SMIM7: variants seen among roughly 807,000 people sequenced by gnomAD.
SMIM7 encodes the protein UPF0608 protein C19orf42.
SMIM7 carries 12 observed loss-of-function variants against 13.3 expected under a neutral mutation model. That is an observed-to-expected ratio of 0.90 (90% confidence interval 0.58 to 1.46). The LOEUF (loss-of-function observed/expected upper bound fraction) is 1.46. Among genes scored for constraint, SMIM7 ranks in the 40% most tolerant of loss-of-function variants. The probability of loss-of-function intolerance (pLI) is 0.00; values close to 1 mark genes in which losing one functional copy is unlikely to be tolerated. For synonymous variants in SMIM7, 36 were observed against 35.8 expected, an observed-to-expected ratio of 1.01 and a Z score of -0.02; for missense variants, 114 against 94.8, an observed-to-expected ratio of 1.20 and a Z score of -0.84.
In SMIM7 at chr19:16,647,440, C is replaced by G. The variant is rs10413017; in HGVS notation, c.213-179G>C. ...ATATAATTAACAATACTGAACTACA[C>G]AGTTAAAAGAAGAATATACTCTTTT... On this transcript the variant is annotated intron_variant, in intron 4 of 4. Coordinates refer to ENST00000487416, the MANE Select transcript of SMIM7 (RefSeq NM_024104.4). Among the ~76,000 whole-genome samples, 909 of 151,620 alleles carry G rather than the reference C, an allele frequency of 6.0e-3. 12 individuals are homozygous for G. Among genetic ancestry groups the G allele is most frequent in the African/African-American group, 0.021 (863 of 41,286 alleles).
chr19:16,638,941 C>T (rs1457524969), intron 4 of SMIM7: 1 of 152,080 alleles, frequency 6.6e-6, no homozygotes, highest in East Asian at 1.9e-4. Flanking sequence ...ACCTTTTCCA[C>T]CTTCTTTCTC....
chr19:16,650,618 G>A (rs776876957), intron 4 of SMIM7, among the ~76,000 whole-genome samples: 3 of 151,632 alleles, frequency 2.0e-5, no homozygotes, highest in Non-Finnish European at 4.4e-5. Flanking sequence ...GCTGAGGCAG[G>A]AGAATCACTT....
chr19:16,650,697 A>C (rs1199403287), intron 4 of SMIM7, among the ~76,000 whole-genome samples: 1 of 149,756 alleles, frequency 6.7e-6, no homozygotes, highest in Non-Finnish European at 1.5e-5. Flanking sequence ...GTGACAGAGC[A>C]AGACTCCACC....
intron 4 of SMIM7, among the ~76,000 whole-genome samples, chr19:16,633,465 G>GA (rs869067591): frequency 0.066 from 5,801 of 87,748 alleles, 261 homozygotes; most frequent in African/African-American, 0.14. Context: ...CAAAAAAAAA[G>GA]AAAAAAAAAA....
At position 16,646,877 on chromosome 19, in the gene SMIM7, T is replaced by C; in HGVS notation, c.*369A>G. ...GGCTGTCAGACTCAGCAAGTAACAC[T>C]GAATGTCCAAAAATACGGCTGTGTT... On this transcript the variant is annotated 3_prime_UTR_variant, in exon 5 of 5. Coordinates refer to ENST00000487416, the MANE Select transcript of SMIM7 (RefSeq NM_024104.4). 1 of 302,840 alleles carries C rather than the reference T, an allele frequency of 3.3e-6. No homozygotes were observed. Among genetic ancestry groups the C allele is most frequent in the Non-Finnish European group, 6.3e-6 (1 of 157,966 alleles). The allele number at this position is 302,840 out of a possible 1,614,324, so 18.8% of individuals were successfully genotyped here. A position where few individuals can be genotyped will look rare whatever the true frequency, so the allele number is the denominator to read the frequency against.
At chr19:16,642,156 C>T (rs180838611), downstream of SMIM7, among the ~76,000 whole-genome samples, 149 of 152,326 alleles carry the variant, frequency 9.8e-4, 2 homozygotes, top group East Asian at 0.025. Context: ...AGCCTGTAGC[C>T]TTGTTTTCTA....
intron 4 of SMIM7, chr19:16,635,238 C>T (rs1258401006): frequency 6.6e-6 from 1 of 151,872 alleles, no homozygotes; most frequent in African/African-American, 2.4e-5. Context: ...TGGTACATGC[C>T]TGTAATCCCA....
rs951084549 is a variant in SMIM7 at position 16,659,433 on chromosome 19, G to C, written c.83C>G (p.Thr28Arg). Reference protein sequence around the residue: ...VLNFKLKKKDTQGFGEESREP... With the variant: ...VLNFKLKKKDRQGFGEESREP... Reference sequence around the variant, plus strand: ...CCTGGACTCCTCCCCAAAGCCCTGCGTGTCCTTCTTTTTCCTACAAAGAGG... The same window carrying C: ...CCTGGACTCCTCCCCAAAGCCCTGCCTGTCCTTCTTTTTCCTACAAAGAGG... The change falls in exon 3 of 5, where the codon ACG (threonine) becomes AGG (arginine). Residue 28 changes from threonine to arginine, a missense_variant. Transcript: ENST00000487416. 2 of 1,613,576 alleles carry C rather than the reference G, an allele frequency of 1.2e-6. No individual in the cohort carries two copies. The highest frequency in any genetic ancestry group is 1.7e-6 in the Non-Finnish European group (2 of 1,179,846).
chr19:16,654,370 C>A (rs1298473404), intron 3 of SMIM7, among the ~76,000 whole-genome samples: 1 of 152,072 alleles, frequency 6.6e-6, no homozygotes, highest in East Asian at 1.9e-4. Flanking sequence ...GGCATGTGAC[C>A]CAAGTCTGTC....
intron 3 of SMIM7, chr19:16,655,484 C>T: frequency 8.9e-6 from 4 of 447,556 alleles, no homozygotes; most frequent in South Asian, 4.7e-5. Flanking sequence ...AGTTCGAGAC[C>T]AGCCTGGCCA....
In SMIM7 at chr19:16,647,045, A is replaced by T; in HGVS notation, c.*201T>A. ...TAGACAGCATTTCAATTCAGAGACC[A>T]AAGTGAAACTATCTTTGAAAACAGG... On this transcript the variant is annotated 3_prime_UTR_variant, in exon 5 of 5. Coordinates refer to ENST00000487416, the MANE Select transcript of SMIM7 (RefSeq NM_024104.4). The T allele has an allele frequency of 1.5e-6, 1 of 656,272 alleles. No homozygotes were observed. The highest frequency in any genetic ancestry group is 2.7e-6 in the Non-Finnish European group (1 of 375,174). 40.7% of individuals were successfully genotyped at this position (656,272 alleles called of 1,614,324 possible).
intron 4 of SMIM7, among the ~76,000 whole-genome samples, chr19:16,650,037 T>C (rs1210305737): frequency 6.6e-6 from 1 of 152,142 alleles, no homozygotes; most frequent in African/African-American, 2.4e-5. Flanking sequence ...TGTTCTGAAA[T>C]TGGATAGAGA....
chr19:16,641,316 G>A (rs1389359949), downstream of SMIM7: 1 of 65,644 alleles, frequency 1.5e-5, no homozygotes, highest in Non-Finnish European at 3.1e-5. Context: ...TTTTTTTTTT[G>A]AGATGGAGTT....
At position 16,653,991 on chromosome 19, in the gene SMIM7, A is replaced by T. The variant is rs372368447; in HGVS notation, c.212+44T>A. 7.3e-4 allele frequency: 1,114 copies of T among 1,526,598 alleles called. 2 individuals carry two copies. Among genetic ancestry groups the T allele is most frequent in the Non-Finnish European group, 8.9e-4 (979 of 1,103,984 alleles). 94.6% of individuals were successfully genotyped at this position (1,526,598 alleles called of 1,614,324 possible). A position where few individuals can be genotyped will look rare whatever the true frequency, so the allele number is the denominator to read the frequency against. On this transcript the variant is annotated intron_variant, in intron 4 of 4. Coordinates refer to ENST00000487416, the MANE Select transcript of SMIM7 (RefSeq NM_024104.4). ...ATCAGGTGGGTCACCCTGGAGAAGG[A>T]GACTAAGAGACGACAGTGAAAGGAA...
At chr19:16,652,685 C>CT (rs979292555) in intron 4 of SMIM7, 14 of 1,420,414 alleles carry the variant, frequency 9.9e-6, no homozygotes, top group Non-Finnish European at 1.3e-5. Context: ...CTCCTATGTC[C>CT]TGGAAGCATC....
At chr19:16,656,939 AG>A (rs940382730) in intron 3 of SMIM7, among the ~76,000 whole-genome samples, 1 of 151,966 alleles carries the variant, frequency 6.6e-6, no homozygotes, top group African/African-American at 2.4e-5. Flanking sequence ...AGGCTTTCTG[AG>A]GAAGTGCCAG....
chr19:16,638,895 C>T (rs2086381082), intron 4 of SMIM7: 1 of 152,278 alleles, frequency 6.6e-6, no homozygotes, highest in African/African-American at 2.4e-5. Flanking sequence ...GAACCCAGGT[C>T]TGAGCTACAC....
intron 4 of SMIM7, among the ~76,000 whole-genome samples, chr19:16,635,922 A>G (rs1032465134): frequency 1.4e-5 from 2 of 144,996 alleles, no homozygotes; most frequent in South Asian, 4.3e-4. Context: ...ATATATATAT[A>G]TGTATGTATA....
At chr19:16,648,734 C>G (rs971626555) in intron 4 of SMIM7, among the ~76,000 whole-genome samples, 18 of 152,016 alleles carry the variant, frequency 1.2e-4, no homozygotes, top group African/African-American at 4.1e-4. Context: ...TGGCTGTGCA[C>G]AGTGGCTCAT....
Sources: gnomAD v4.1 joint callset for allele counts (sites outside exome capture counted in the v4.1 genomes callset) on GRCh38, gnomAD v4.1.1 for gene constraint, MANE v1.5 for transcripts, NCBI Gene and HGNC (gene_info 2026-07-23, HGNC 2026-07-21) for gene names.